The following RUNDC1 variants were observed in gnomAD, a reference collection of about 807,000 sequenced individuals.
The protein encoded by RUNDC1 is RUN domain-containing protein 1.
Under a neutral mutation model 49.3 loss-of-function variants are expected in RUNDC1, and 31 were observed. That is an observed-to-expected ratio of 0.63 (90% CI 0.47 to 0.85). The LOEUF (loss-of-function observed/expected upper bound fraction) is 0.85. Among genes scored for constraint, RUNDC1 ranks in the 40% least tolerant of loss-of-function variants. The pLI, the probability that RUNDC1 is intolerant of heterozygous loss-of-function variation, is 0.00. For synonymous variants in RUNDC1, 347 were observed against 348.6 expected (o/e 1.00, Z 0.05); for missense variants, 715 against 806.7 (o/e 0.89, Z 1.38).
chr17:42,981,288 A>C (rs1419429558), intron 1 of RUNDC1: 2 of 586,472 alleles, frequency 3.4e-6, no homozygotes, highest in Non-Finnish European at 5.8e-6. Flanking sequence ...TGCACGGAGG[A>C]TGTGGAGAGA....
intron 2 of RUNDC1, 93 bp from the exon 3 acceptor site, chr17:42,989,248 C>A: frequency 1.1e-6 from 1 of 907,388 alleles, no homozygotes; most frequent in Non-Finnish European, 1.7e-6. Flanking sequence ...TTTTTTATTT[C>A]CATTTAAGGA....
At chr17:42,983,507 C>A (rs1353867019) in intron 1 of RUNDC1, among the ~76,000 whole-genome samples, 1 of 150,722 alleles carries the variant, frequency 6.6e-6, no homozygotes, top group African/African-American at 2.4e-5. Flanking sequence ...TCTCGAGTAA[C>A]TGGGACCACA....
rs747204117 is a variant in RUNDC1, at chr17:42,981,055, G to A, written c.479G>A (p.Trp160Ter). The A allele has an allele frequency of 2.6e-5, 41 of 1,561,302 alleles. No homozygotes were observed. The South Asian group carries it at 3.1e-4, about 12-fold the overall frequency. Reference protein sequence around the residue: ...EGDGLPGDRPWLRGEDQSEQE... With the variant: ...EGDGLPGDRP ...GATGGGCTGCCAGGGGACCGGCCAT[G>A]GTTGCGGGGCGAGGACCAGGTGAGT... is the stretch of plus-strand genomic sequence containing the variant. Residue 160 changes from tryptophan to a stop codon, truncating the protein, a stop_gained, in exon 1 of 5, where the codon TGG becomes TAG. Coordinates refer to ENST00000361677, the MANE Select transcript of RUNDC1 (RefSeq NM_173079.5). LOFTEE classifies it high-confidence loss of function.
rs1405386830 is a variant in RUNDC1, at chr17:42,993,535, T to C, written c.*1819T>C. 6.6e-6 allele frequency: 1 copy of C among 152,242 alleles called. No homozygotes were observed. Among genetic ancestry groups the C allele is most frequent in the African/African-American group, 2.4e-5 (1 of 41,476 alleles). The allele number at this position is 152,242 out of a possible 1,614,324, so 9.4% of individuals were successfully genotyped here. ...CCTTCCCTGTGAAACAAGAGAATTG[T>C]AAAATGTTGTGGAAAATGATACATA... On this transcript the variant is annotated 3_prime_UTR_variant, in exon 5 of 5. Transcript: ENST00000361677.
In RUNDC1 at chr17:42,980,898, C is replaced by T. The variant is rs1156573548; in HGVS notation, c.322C>T (p.Leu108=). The change falls in exon 1 of 5, where the codon CTG becomes TTG. Residue 108 remains leucine, a synonymous_variant. Coordinates refer to ENST00000361677, the MANE Select transcript of RUNDC1 (RefSeq NM_173079.5). ...GCACTTCGCGCAGGTGCAGTTCCGCCTGCGCCAGGTGGTGCGCGGGGCGCC... is the reference window on the plus strand; with the variant it reads ...GCACTTCGCGCAGGTGCAGTTCCGCTTGCGCCAGGTGGTGCGCGGGGCGCC... ...SSHFAQVQFR[L]RQVVRGAPAE... is the part of the protein sequence containing the mutation. 4 of 1,525,866 alleles carry T rather than the reference C, an allele frequency of 2.6e-6. No individual in the cohort carries two copies. The African/African-American group carries it at 5.6e-5, about 21-fold the overall frequency. The allele number at this position is 1,525,866 out of a possible 1,614,324, so 94.5% of individuals were successfully genotyped here. A position where few individuals can be genotyped will look rare whatever the true frequency, so the allele number is the denominator to read the frequency against.
In RUNDC1 at chr17:42,986,161, A is replaced by ATT. The variant is rs11408425; in HGVS notation, c.499-1086_499-1085dup. On this transcript the variant is annotated intron_variant, in intron 1 of 4. Coordinates refer to ENST00000361677, the MANE Select transcript of RUNDC1 (RefSeq NM_173079.5). ...ACCACCATGCCACCACGCCTGGCTA[A>ATT]TTTTTTTTTTCTTTGAGACAGGGTC... is the stretch of plus-strand genomic sequence containing the variant. Among the ~76,000 whole-genome samples, 7 of 149,924 alleles carry ATT rather than the reference A, an allele frequency of 4.7e-5. No individual in the cohort carries two copies. In the South Asian group the frequency reaches 1.1e-3, roughly 23 times the overall value.
Position 42,992,794 on chromosome 17 carries a change from TA to T in RUNDC1, c.*1080del, listed in dbSNP as rs980522524. ...CTGAAAACAGCATTTCTAAGGGTGGTAACCACAGGTCGATTTTAATACGAGT... is the reference window on the plus strand; with the variant it reads ...CTGAAAACAGCATTTCTAAGGGTGGTACCACAGGTCGATTTTAATACGAGT... On this transcript the variant is annotated 3_prime_UTR_variant, in exon 5 of 5. Coordinates refer to ENST00000361677, the MANE Select transcript of RUNDC1 (RefSeq NM_173079.5). The T allele has an allele frequency of 2.0e-5, 3 of 152,174 alleles. No homozygotes were observed. Among genetic ancestry groups the T allele is most frequent in the African/African-American group, 7.2e-5 (3 of 41,438 alleles). 9.4% of individuals were successfully genotyped at this position (152,174 alleles called of 1,614,324 possible). A position where few individuals can be genotyped will look rare whatever the true frequency, so the allele number is the denominator to read the frequency against.
At chr17:42,987,489 C>T in intron 2 of RUNDC1, 75 bp downstream of exon 2, 2 of 1,420,556 alleles carry the variant, frequency 1.4e-6, no homozygotes, top group Non-Finnish European at 2.0e-6. Flanking sequence ...AGGGCATCCT[C>T]TCTCAGCTCA....
intron 1 of RUNDC1, among the ~76,000 whole-genome samples, chr17:42,982,604 T>C (rs757486802): frequency 5.3e-5 from 8 of 152,140 alleles, no homozygotes; most frequent in Non-Finnish European, 1.0e-4. Context: ...TTCCATGATG[T>C]GATTATGACA....
chr17:42,986,317 G>T (rs138156098), intron 1 of RUNDC1, among the ~76,000 whole-genome samples: 1 of 152,110 alleles, frequency 6.6e-6, no homozygotes, highest in East Asian at 1.9e-4. Flanking sequence ...AAGTCTCACT[G>T]TGTTGCCCAG....
chr17:42,989,595 ATT>A, intron 3 of RUNDC1, 56 bp downstream of exon 3: 1 of 1,490,988 alleles, frequency 6.7e-7, no homozygotes, highest in South Asian at 1.1e-5. Context: ...AATTATACTT[ATT>A]CTAAGTACTA....
Position 42,990,413 on chromosome 17 carries a change from G to A in RUNDC1, c.953G>A (p.Arg318Lys). The A allele has an allele frequency of 1.2e-6, 2 of 1,614,000 alleles. No individual in the cohort carries two copies. Among genetic ancestry groups the A allele is most frequent in the African/African-American group, 1.3e-5 (1 of 75,058 alleles). Reference protein sequence around the residue: ...GNGCSRTGSSRTPPGNSKTKA... With the variant: ...GNGCSRTGSSKTPPGNSKTKA... ...GGCTGCAGCAGAACAGGCAGCAGCA[G>A]AACGCCTCCAGGAAACAGCAAAAGT... The change falls in exon 4 of 5, where the codon AGA becomes AAA. Residue 318 changes from arginine to lysine, a missense_variant. Coordinates refer to ENST00000361677, the MANE Select transcript of RUNDC1 (RefSeq NM_173079.5).
At position 42,991,856 on chromosome 17, in the gene RUNDC1, C is replaced by A; in HGVS notation, c.*140C>A. ...GCTCAGGCAGTCGGCCAAATGAGTG[C>A]AAAGTCTGTTTTCCCCACCAACTTA... On this transcript the variant is annotated 3_prime_UTR_variant, in exon 5 of 5. Transcript: ENST00000361677. The A allele has an allele frequency of 1.2e-6, 1 of 856,670 alleles. No individual in the cohort carries two copies. Among genetic ancestry groups the A allele is most frequent in the Non-Finnish European group, 1.8e-6 (1 of 561,066 alleles). The allele number at this position is 856,670 out of a possible 1,614,324, so 53.1% of individuals were successfully genotyped here. A position where few individuals can be genotyped will look rare whatever the true frequency, so the allele number is the denominator to read the frequency against.
At chr17:42,981,214 C>A in intron 1 of RUNDC1, 140 bp downstream of exon 1, 1 of 1,178,564 alleles carries the variant, frequency 8.5e-7, no homozygotes, top group Non-Finnish European at 1.1e-6. Flanking sequence ...GACCAGGGGA[C>A]TGGAGTGCGG....
At position 42,994,268 on chromosome 17, in the gene RUNDC1, A is replaced by G. The variant is rs1333778753; in HGVS notation, c.*2552A>G. On this transcript the variant is annotated 3_prime_UTR_variant, in exon 5 of 5. Transcript: ENST00000361677. ...CCAGTATTGCCTTTTTCAAATCACAAAAACAAAACTTGTATTAAGGCTTTG... is the reference window on the plus strand; with the variant it reads ...CCAGTATTGCCTTTTTCAAATCACAGAAACAAAACTTGTATTAAGGCTTTG... 1.3e-5 allele frequency among the ~76,000 whole-genome samples: 2 copies of G among 152,258 alleles called. No homozygotes were observed. Among genetic ancestry groups the G allele is most frequent in the African/African-American group, 4.8e-5 (2 of 41,470 alleles).
At chr17:42,990,076 T>G (rs1013166588) in intron 3 of RUNDC1, among the ~76,000 whole-genome samples, 1 of 152,200 alleles carries the variant, frequency 6.6e-6, no homozygotes, top group African/African-American at 2.4e-5. Context: ...TTTATGTCCT[T>G]GAGCATGTTA....
intron 4 of RUNDC1, 151 bp downstream of exon 4, chr17:42,990,587 A>T: frequency 1.1e-6 from 1 of 882,228 alleles, no homozygotes; most frequent in Non-Finnish European, 1.7e-6. Flanking sequence ...TCTAAAATTG[A>T]TTGCAGTGAC....
At chr17:42,984,206 G>A (rs1231201165) in intron 1 of RUNDC1, among the ~76,000 whole-genome samples, 2 of 151,740 alleles carry the variant, frequency 1.3e-5, no homozygotes, top group African/African-American at 4.8e-5. Flanking sequence ...TGACTCCTGG[G>A]CTCAAGCCAC....
chr17:42,989,955 G>T (rs2050217055), intron 3 of RUNDC1, among the ~76,000 whole-genome samples: 1 of 152,166 alleles, frequency 6.6e-6, no homozygotes, highest in African/African-American at 2.4e-5. Flanking sequence ...AATTCTTGAT[G>T]TACTATTTAA....
Sources: allele counts gnomAD v4.1 joint callset (sites outside exome capture counted in the v4.1 genomes callset), GRCh38; gene constraint gnomAD v4.1.1; transcripts MANE v1.5; gene names NCBI Gene and HGNC (gene_info 2026-07-23, HGNC 2026-07-21).